The following EDIL3 variants were observed in gnomAD, a reference collection of about 807,000 sequenced individuals.
The protein encoded by EDIL3 is EGF-like repeat and discoidin I-like domain-containing protein 3.
EDIL3 carries 37 observed loss-of-function variants against 67.4 expected under a neutral mutation model. The ratio of observed to expected loss-of-function variants is 0.55; its 90% CI spans 0.42 to 0.72. The LOEUF is 0.72. Ranked by LOEUF, EDIL3 falls within the 30% of genes least tolerant of loss-of-function variation. The pLI, the probability that EDIL3 is intolerant of heterozygous loss-of-function variation, is 0.00. For synonymous variants in EDIL3, 195 were observed against 196.3 expected, an observed-to-expected ratio of 0.99 and a Z score of 0.05; for missense variants, 527 against 586.3, an observed-to-expected ratio of 0.90 and a Z score of 1.04.
At chr5:84,059,698 G>T (rs1746508622) in intron 9 of EDIL3, among the ~76,000 whole-genome samples, 1 of 152,112 alleles carries the variant, frequency 6.6e-6, no homozygotes, top group South Asian at 2.1e-4. Context: ...ACAAACCTGT[G>T]CATATTTAAA....
chr5:84,249,637 T>G (rs1052804053), intron 2 of EDIL3, among the ~76,000 whole-genome samples: 8 of 152,194 alleles, frequency 5.3e-5, no homozygotes, highest in Non-Finnish European at 1.2e-4. Flanking sequence ...AAAAGTCACT[T>G]ATTTTTTCCC....
chr5:84,341,518 T>C (rs1018591327), intron 1 of EDIL3, among the ~76,000 whole-genome samples: 6 of 152,148 alleles, frequency 3.9e-5, no homozygotes, highest in Non-Finnish European at 7.4e-5. Flanking sequence ...AATCTTTCTA[T>C]AAGGTTTTGT....
intron 2 of EDIL3, among the ~76,000 whole-genome samples, chr5:84,241,378 T>C (rs866053067): frequency 2.6e-4 from 39 of 152,366 alleles, no homozygotes; most frequent in African/African-American, 9.1e-4. Context: ...TGTGCTATCA[T>C]AAATTCCAAC....
intron 3 of EDIL3, among the ~76,000 whole-genome samples, chr5:84,227,285 C>T (rs1324890248): frequency 6.6e-6 from 1 of 151,912 alleles, no homozygotes; most frequent in Non-Finnish European, 1.5e-5. Flanking sequence ...CATGGACAGA[C>T]ACTTATCAAA....
intron 6 of EDIL3, among the ~76,000 whole-genome samples, chr5:84,086,157 A>C (rs1213299052): frequency 6.6e-6 from 1 of 152,104 alleles, no homozygotes; most frequent in African/African-American, 2.4e-5. Context: ...CCCCCTTTCC[A>C]GAGGAGTGGC....
At chr5:84,325,727 A>C (rs756608310) in intron 1 of EDIL3, among the ~76,000 whole-genome samples, 18 of 152,100 alleles carry the variant, frequency 1.2e-4, no homozygotes, top group Non-Finnish European at 1.9e-4. Context: ...TAAAACTAGG[A>C]AGCATCACAA....
intron 1 of EDIL3, among the ~76,000 whole-genome samples, chr5:84,310,756 A>G (rs964915678): frequency 1.2e-4 from 19 of 152,202 alleles, no homozygotes; most frequent in African/African-American, 4.6e-4. Context: ...ACTTACATAC[A>G]GTAAAGTACA....
chr5:83,993,789 T>G (rs1337234152), intron 9 of EDIL3, among the ~76,000 whole-genome samples: 1 of 152,204 alleles, frequency 6.6e-6, no homozygotes, highest in African/African-American at 2.4e-5. Flanking sequence ...GACTGACTGA[T>G]AAGGGAGTGA....
At chr5:84,340,149 C>T (rs1394867221) in intron 1 of EDIL3, among the ~76,000 whole-genome samples, 1 of 151,662 alleles carries the variant, frequency 6.6e-6, no homozygotes, top group Non-Finnish European at 1.5e-5. Flanking sequence ...AATAAAAGAA[C>T]ATCTACTTCC....
chr5:84,357,407 T>C (rs1323372160), intron 1 of EDIL3, among the ~76,000 whole-genome samples: 1 of 152,192 alleles, frequency 6.6e-6, no homozygotes, highest in African/African-American at 2.4e-5. Context: ...TGGACCTGCA[T>C]ATGAAAGAAA....
At chr5:84,244,017 T>C (rs1429695280) in intron 2 of EDIL3, among the ~76,000 whole-genome samples, 1 of 152,230 alleles carries the variant, frequency 6.6e-6, no homozygotes, top group Middle Eastern at 3.2e-3. Flanking sequence ...CACCTTGAGA[T>C]GTAACCTAGT....
chr5:84,146,385 T>C (rs1265038856), intron 4 of EDIL3, among the ~76,000 whole-genome samples: 1 of 152,092 alleles, frequency 6.6e-6, no homozygotes, highest in African/African-American at 2.4e-5. Flanking sequence ...TGTTTCACCA[T>C]CACTAGGGAA....
chr5:84,042,485 T>C (rs1441004143), intron 9 of EDIL3, among the ~76,000 whole-genome samples: 1 of 152,126 alleles, frequency 6.6e-6, no homozygotes, highest in African/African-American at 2.4e-5. Flanking sequence ...TTTCACCACA[T>C]TGGCCAGGCT....
At position 84,301,375 on chromosome 5, in the gene EDIL3, C is replaced by T. The variant is rs539395172; in HGVS notation, c.68-47163G>A. Among the ~76,000 whole-genome samples the T allele has an allele frequency of 1.6e-4, 24 of 151,692 alleles. No homozygotes were observed. The South Asian group carries it at 5.0e-3, about 32-fold the overall frequency. On this transcript the variant is annotated intron_variant, in intron 1 of 10. Transcript: ENST00000296591. ...TCCTGAAGCAAAATGAATTCAACTG[C>T]ATGTACTATAAAAGATAGTTATTAT...
At chr5:84,288,324 G>A (rs1341925185) in intron 1 of EDIL3, among the ~76,000 whole-genome samples, 1 of 151,944 alleles carries the variant, frequency 6.6e-6, no homozygotes, top group Non-Finnish European at 1.5e-5. Context: ...ATCCTCTTTT[G>A]CCTGGGTGAC....
chr5:84,197,261 T>A (rs1362931249), intron 3 of EDIL3, among the ~76,000 whole-genome samples: 1 of 151,300 alleles, frequency 6.6e-6, no homozygotes, highest in Non-Finnish European at 1.5e-5. Context: ...ATACAGAGAG[T>A]TCTGGGAGGA....
chr5:84,284,132 T>G (rs563303113), intron 1 of EDIL3, among the ~76,000 whole-genome samples: 1 of 152,264 alleles, frequency 6.6e-6, no homozygotes, highest in East Asian at 1.9e-4. Context: ...TCTCCCCAGG[T>G]CTGTTTAATA....
intron 1 of EDIL3, among the ~76,000 whole-genome samples, chr5:84,258,613 C>G (rs1287631041): frequency 6.6e-6 from 1 of 152,104 alleles, no homozygotes; most frequent in Non-Finnish European, 1.5e-5. Context: ...GGATTAGAGC[C>G]GTGCACCTCC....
intron 1 of EDIL3, among the ~76,000 whole-genome samples, chr5:84,314,704 A>G (rs1237858567): frequency 6.6e-6 from 1 of 152,108 alleles, no homozygotes; most frequent in Non-Finnish European, 1.5e-5. Context: ...TTAAAATATA[A>G]TTTTTCTAAA....
Sources: allele counts gnomAD v4.1 joint callset (sites outside exome capture counted in the v4.1 genomes callset), GRCh38; gene constraint gnomAD v4.1.1; transcripts MANE v1.5; gene names NCBI Gene and HGNC (gene_info 2026-07-23, HGNC 2026-07-21).